FAM13A: variants seen among roughly 807,000 people sequenced by gnomAD.
FAM13A encodes the protein protein FAM13A.
A neutral mutation model predicts 129.6 loss-of-function variants in FAM13A; 76 were observed. That is an observed-to-expected ratio of 0.59 (90% confidence interval 0.49 to 0.71). FAM13A has a LOEUF of 0.71. Ranked by LOEUF, FAM13A falls within the 30% of genes least tolerant of loss-of-function variation. The pLI, the probability that FAM13A is intolerant of heterozygous loss-of-function variation, is 0.00. For missense variants in FAM13A, 1,108 were observed against 1,249.3 expected (o/e 0.89, Z 1.70); for synonymous variants, 443 against 449.9 (o/e 0.98, Z 0.20).
At chr4:88,806,616 C>G (rs1307354185) in intron 7 of FAM13A, among the ~76,000 whole-genome samples, 1 of 152,120 alleles carries the variant, frequency 6.6e-6, no homozygotes, top group Admixed American at 6.6e-5. Flanking sequence ...CAACACTGAT[C>G]AGCTGTTCTA....
chr4:89,031,563 A>G (rs1768685304), intron 1 of FAM13A, among the ~76,000 whole-genome samples: 1 of 152,222 alleles, frequency 6.6e-6, no homozygotes, highest in South Asian at 2.1e-4. Context: ...GAGTAAGAAC[A>G]GTGCCTGGCA....
intron 4 of FAM13A, among the ~76,000 whole-genome samples, chr4:88,945,783 GTATA>G (rs146789971): frequency 7.9e-5 from 10 of 127,040 alleles, no homozygotes; most frequent in Non-Finnish European, 1.3e-4. Flanking sequence ...CTATGTGGTT[GTATA>G]TATATATATA....
intron 4 of FAM13A, among the ~76,000 whole-genome samples, chr4:88,978,123 C>A (rs1761150132): frequency 6.6e-6 from 1 of 152,108 alleles, no homozygotes; most frequent in African/African-American, 2.4e-5. Flanking sequence ...ACAACGATAA[C>A]ATAGAAATCC....
chr4:89,003,715 T>G (rs555222940), intron 3 of FAM13A, among the ~76,000 whole-genome samples: 32 of 152,236 alleles, frequency 2.1e-4, no homozygotes, highest in Admixed American at 9.2e-4. Flanking sequence ...TATACCCTCT[T>G]ACGTAATTAT....
intron 6 of FAM13A, among the ~76,000 whole-genome samples, chr4:88,904,138 G>C (rs1341067617): frequency 6.6e-6 from 1 of 152,114 alleles, no homozygotes; most frequent in African/African-American, 2.4e-5. Context: ...TGAGGTTGCA[G>C]AGAAAAAGAA....
intron 4 of FAM13A, among the ~76,000 whole-genome samples, chr4:88,965,045 G>A (rs1759165544): frequency 1.3e-5 from 2 of 152,162 alleles, no homozygotes; most frequent in South Asian, 4.1e-4. Flanking sequence ...AAATCACACA[G>A]TACAACTCTA....
chr4:88,979,040 C>A (rs569380056), intron 4 of FAM13A, among the ~76,000 whole-genome samples: 1 of 152,160 alleles, frequency 6.6e-6, no homozygotes, highest in Non-Finnish European at 1.5e-5. Context: ...CGAGCACCAG[C>A]TTAAGAAAAC....
intron 3 of FAM13A, among the ~76,000 whole-genome samples, chr4:89,002,552 G>GA (rs1395513335): frequency 6.6e-6 from 1 of 152,086 alleles, no homozygotes; most frequent in African/African-American, 2.4e-5. Flanking sequence ...TAGCTGAAGA[G>GA]AAAAAGATCT....
intron 7 of FAM13A, among the ~76,000 whole-genome samples, chr4:88,842,576 A>G (rs1427051483): frequency 6.6e-6 from 1 of 152,204 alleles, no homozygotes; most frequent in Non-Finnish European, 1.5e-5. Flanking sequence ...TACACTCCAC[A>G]CCTTAGTTAT....
chr4:88,839,396 A>G (rs888467058), intron 7 of FAM13A, among the ~76,000 whole-genome samples: 1 of 152,254 alleles, frequency 6.6e-6, no homozygotes, highest in Non-Finnish European at 1.5e-5. Context: ...TTAAGGCAAT[A>G]GAGTGTATAG....
Position 88,937,908 on chromosome 4 carries a change from G to A in FAM13A, c.759+180C>T, listed in dbSNP as rs1754094729. 5.2e-6 allele frequency: 3 copies of A among 571,622 alleles called. No homozygotes were observed. In the Admixed American group the frequency reaches 9.7e-5, roughly 19 times the overall value. The allele number at this position is 571,622 out of a possible 1,614,324, so 35.4% of individuals were successfully genotyped here. Reference sequence around the variant, plus strand: ...AAATTGCTATTATTCTTGAATTTTAGAAGGCTATATTTCAATTTAATAAGC... The same window carrying A: ...AAATTGCTATTATTCTTGAATTTTAAAAGGCTATATTTCAATTTAATAAGC... On this transcript the variant is annotated intron_variant, in intron 5 of 23. Coordinates refer to ENST00000264344, the MANE Select transcript of FAM13A (RefSeq NM_014883.4).
At position 88,934,100 on chromosome 4, in the gene FAM13A, A is replaced by G. The variant is rs140188465; in HGVS notation, c.759+3988T>C. Among the ~76,000 whole-genome samples the G allele has an allele frequency of 3.9e-5, 6 of 152,218 alleles. No individual in the cohort carries two copies. In the East Asian group the frequency reaches 1.2e-3, roughly 29 times the overall value. ...GAATACTCTTCTCTCAAGTGTCTTC[A>G]TGGCTTGCTCCCTTGCTTCCTTCAA... On this transcript the variant is annotated intron_variant, in intron 5 of 23. Transcript: ENST00000264344.
intron 18 of FAM13A, among the ~76,000 whole-genome samples, 173 bp downstream of exon 18, chr4:88,747,458 G>GCACC (rs1320810607): frequency 6.6e-6 from 1 of 152,148 alleles, no homozygotes; most frequent in African/African-American, 2.4e-5. Context: ...AAAAACCAAA[G>GCACC]CACCCACAGT....
Position 88,893,863 on chromosome 4 carries a change from G to A in FAM13A, c.843+12516C>T, listed in dbSNP as rs559369781. Among the ~76,000 whole-genome samples, 4 of 150,176 alleles carry A rather than the reference G, an allele frequency of 2.7e-5. No individual in the cohort carries two copies. In the East Asian group the frequency reaches 7.8e-4, roughly 29 times the overall value. On this transcript the variant is annotated intron_variant, in intron 6 of 23. Transcript: ENST00000264344. ...AAAAAAGAAACAGTTCAAGAGTTAC[G>A]CACAAGCTTTTGGATTCTCTCCTGA...
At chr4:88,929,387 G>A (rs79793221) in intron 5 of FAM13A, among the ~76,000 whole-genome samples, 4 of 151,922 alleles carry the variant, frequency 2.6e-5, no homozygotes, top group South Asian at 2.1e-4. Flanking sequence ...TTTTTGCAAC[G>A]TATTTTCCTG....
intron 3 of FAM13A, among the ~76,000 whole-genome samples, chr4:89,010,655 A>G (rs1765610149): frequency 6.6e-6 from 1 of 152,178 alleles, no homozygotes; most frequent in Admixed American, 6.5e-5. Context: ...TGGTGCTACT[A>G]CAACTCACCT....
intron 2 of FAM13A, among the ~76,000 whole-genome samples, chr4:89,027,763 A>G (rs1238721417): frequency 6.6e-6 from 1 of 152,110 alleles, no homozygotes; most frequent in Non-Finnish European, 1.5e-5. Context: ...CACAATGATC[A>G]ATCTGCAAAT....
chr4:88,777,805 T>C (rs544557875), intron 11 of FAM13A, among the ~76,000 whole-genome samples: 3 of 152,310 alleles, frequency 2.0e-5, no homozygotes, highest in Non-Finnish European at 2.9e-5. Flanking sequence ...CTTGCTCCCA[T>C]CTTTCTACCA....
intron 6 of FAM13A, among the ~76,000 whole-genome samples, chr4:88,867,332 C>A (rs569491347): frequency 6.6e-6 from 1 of 152,182 alleles, no homozygotes; most frequent in Non-Finnish European, 1.5e-5. Context: ...AAACATTAGA[C>A]AGCCCTTCAG....
Sources: allele counts gnomAD v4.1 joint callset (sites outside exome capture counted in the v4.1 genomes callset), GRCh38; gene constraint gnomAD v4.1.1; transcripts MANE v1.5; gene names NCBI Gene and HGNC (gene_info 2026-07-23, HGNC 2026-07-21).